SDR39U1: variants seen among roughly 807,000 people sequenced by gnomAD.
The protein encoded by SDR39U1 is epimerase family protein SDR39U1.
Under a neutral mutation model 31.7 loss-of-function variants are expected in SDR39U1, and 29 were observed. The ratio of observed to expected loss-of-function variants is 0.92; its 90% CI spans 0.68 to 1.25. The LOEUF is 1.25. SDR39U1 is among the 50% of genes most tolerant of loss of function. The pLI, the probability that SDR39U1 is intolerant of heterozygous loss-of-function variation, is 0.00. For synonymous variants in SDR39U1, 147 were observed against 159.0 expected, an observed-to-expected ratio of 0.92 and a Z score of 0.57; for missense variants, 403 against 378.4, an observed-to-expected ratio of 1.06 and a Z score of -0.54.
At chr14:24,440,659 G>C in intron 5 of SDR39U1, 124 bp downstream of exon 5, 1 of 1,386,950 alleles carries the variant, frequency 7.2e-7, no homozygotes, top group Non-Finnish European at 1.0e-6. Context: ...CTCATCTGCA[G>C]GTTGGCTAGA....
upstream of SDR39U1, chr14:24,442,782 C>T (rs776322263): frequency 1.9e-6 from 3 of 1,613,982 alleles, no homozygotes; most frequent in Non-Finnish European, 2.5e-6. Flanking sequence ...CGACTAGGAC[C>T]TAACGCGCCT....
upstream of SDR39U1, chr14:24,442,781 C>T: frequency 6.2e-7 from 1 of 1,614,000 alleles, no homozygotes; most frequent in East Asian, 2.2e-5. Context: ...GCGACTAGGA[C>T]CTAACGCGCC....
rs771819077 is a variant in SDR39U1 at position 24,440,293 on chromosome 14, A to T, written c.672T>A (p.Thr224=). The stretch of plus-strand genomic sequence containing the variant: ...CCAAGGTCTGGGCAAACTCAGCATT[A>T]GTGGCGGAGGATGGAGCCACTCCAT... ...VLNGVAPSSA[T]NAEFAQTLGA... The change falls in exon 6 of 6, where the codon ACT becomes ACA. Residue 224 remains threonine (T), a synonymous_variant. Coordinates refer to ENST00000399395, the MANE Select transcript of SDR39U1 (RefSeq NM_020195.3). 2.5e-6 allele frequency: 4 copies of T among 1,613,996 alleles called. No individual in the cohort carries two copies. The South Asian group carries it at 4.4e-5, about 18-fold the overall frequency.
chr14:24,442,822 G>A (rs533889488), upstream of SDR39U1: 673 of 1,601,894 alleles, frequency 4.2e-4, 4 homozygotes, highest in East Asian at 0.015. Flanking sequence ...CCTCACCTCA[G>A]ACGCGACTAC....
chr14:24,440,165 A>G lies in SDR39U1; in HGVS notation c.800T>C (p.Val267Ala), dbSNP rs1356312204. 6.2e-7 allele frequency: 1 copy of G among 1,613,656 alleles called. No homozygotes were observed. Among genetic ancestry groups the G allele is most frequent in the Non-Finnish European group, 8.5e-7 (1 of 1,179,740 alleles). ...RAIMLLEGQK[V>A]IPQRTLATGY... ...AGTGGCCAGTGTTCGCTGTGGGATCACCTTCTGGCCCTCCAGCAGCATGAT... is the reference window on the plus strand; with the variant it reads ...AGTGGCCAGTGTTCGCTGTGGGATCGCCTTCTGGCCCTCCAGCAGCATGAT... Residue 267 changes from valine to alanine, a missense_variant, in exon 6 of 6, where the codon GTG becomes GCG. Transcript: ENST00000399395.
intron 5 of SDR39U1, 28 bp from the exon 6 acceptor site, chr14:24,440,520 G>C: frequency 6.3e-7 from 1 of 1,581,522 alleles, no homozygotes; most frequent in East Asian, 2.3e-5. Context: ...GAAGGTACAG[G>C]GGTCCTCTCA....
chr14:24,441,103 G>A (rs1594764089), intron 4 of SDR39U1, 177 bp from the exon 5 acceptor site: 1 of 650,558 alleles, frequency 1.5e-6, no homozygotes, highest in Non-Finnish European at 2.7e-6. Context: ...TCCTTCCCTG[G>A]AGGAACTCTG....
rs11625820 is a variant in SDR39U1 at position 24,441,768 on chromosome 14, T to A, written c.234A>T (p.Val78=). 1,409,592 of 1,600,702 alleles carry A rather than the reference T, an allele frequency of 0.88. 626,527 individuals carry two copies. The highest frequency in any genetic ancestry group is 0.9 in the Non-Finnish European group (1,061,909 of 1,175,710). ...GGGTGGTCTCTAGGCGGCTGCCGAT[T>A]ACCTCTTTTTGGAAGGTTTCATTCC... ...RRWNETFQKE[V]IGSRLETTQL... The change falls in exon 4 of 6, where the codon GTA becomes GTT. Residue 78 remains valine, a synonymous_variant. Transcript: ENST00000399395.
At chr14:24,441,853 C>T (rs2043352665) in intron 3 of SDR39U1, 58 bp from the exon 4 acceptor site, 2 of 1,563,298 alleles carry the variant, frequency 1.3e-6, no homozygotes, top group Admixed American at 2.0e-5. Flanking sequence ...ACATATCCCT[C>T]TCTCTGTCTT....
chr14:24,440,613 G>A (rs753432862), intron 5 of SDR39U1, 121 bp from the exon 6 acceptor site: 2 of 1,388,712 alleles, frequency 1.4e-6, no homozygotes, highest in South Asian at 2.6e-5. Context: ...TGTAACAGAA[G>A]TGAGCAGTAT....
At chr14:24,441,017 G>T in intron 4 of SDR39U1, 91 bp from the exon 5 acceptor site, 1 of 1,369,428 alleles carries the variant, frequency 7.3e-7, no homozygotes, top group African/African-American at 1.4e-5. Context: ...ACCTTCTCTG[G>T]CCCTTAGGAT....
chr14:24,442,734 C>G lies in SDR39U1; in HGVS notation c.16+20G>C, dbSNP rs1307155462. On this transcript the variant is annotated intron_variant, in intron 1 of 5. Coordinates refer to ENST00000399395, the MANE Select transcript of SDR39U1 (RefSeq NM_020195.3). ...TCCGACTAAGCCCGCCCAGCACTCT[C>G]CCTTTCTGCCCTCCCTCACCCACAA... 2.7e-5 allele frequency: 44 copies of G among 1,613,876 alleles called. No homozygotes were observed. The Admixed American group carries it at 4.2e-4, about 15-fold the overall frequency.
intron 1 of SDR39U1, 139 bp downstream of exon 1, chr14:24,442,615 T>G (rs865910355): frequency 3.2e-6 from 4 of 1,264,536 alleles, no homozygotes; most frequent in Middle Eastern, 4.2e-4. Flanking sequence ...TCACAGGGAT[T>G]AGGGAGATTC....
chr14:24,441,034 A>T, intron 4 of SDR39U1, 108 bp from the exon 5 acceptor site: 1 of 1,191,710 alleles, frequency 8.4e-7, no homozygotes, highest in Non-Finnish European at 1.2e-6. Flanking sequence ...GGATCTCCCC[A>T]TTTGGAGACA....
upstream of SDR39U1, chr14:24,442,832 C>A: frequency 6.3e-7 from 1 of 1,577,776 alleles, no homozygotes; most frequent in Non-Finnish European, 8.7e-7. Context: ...GACGCGACTA[C>A]GACCTCTCTG....
chr14:24,442,284 C>A (rs758100476), intron 2 of SDR39U1, 24 bp from the exon 3 acceptor site: 102 of 1,600,374 alleles, frequency 6.4e-5, no homozygotes, highest in Non-Finnish European at 8.3e-5. Context: ...CACACAGTGC[C>A]CCTGCCCCGC....
Position 24,442,165 on chromosome 14 carries a change from G to A in SDR39U1, c.206+13C>T. 1.2e-6 allele frequency: 2 copies of A among 1,607,844 alleles called. No homozygotes were observed. Among genetic ancestry groups the A allele is most frequent in the Non-Finnish European group, 1.7e-6 (2 of 1,177,188 alleles). On this transcript the variant is annotated intron_variant, in intron 3 of 5. Coordinates refer to ENST00000399395, the MANE Select transcript of SDR39U1 (RefSeq NM_020195.3). ...GTGCTCTAGTGGGTATCAGCTTTAG[G>A]GCCCGGGCTGACCTTCGGAGAGGGT... is the stretch of plus-strand genomic sequence containing the variant.
At chr14:24,440,638 C>T (rs1256188326) in intron 5 of SDR39U1, 145 bp downstream of exon 5, 6 of 1,348,518 alleles carry the variant, frequency 4.4e-6, no homozygotes, top group South Asian at 2.6e-5. Flanking sequence ...GTCTTTAAGA[C>T]CTCACACCTT....
chr14:24,440,595 C>A, intron 5 of SDR39U1, 103 bp from the exon 6 acceptor site: 1 of 1,435,272 alleles, frequency 7.0e-7, no homozygotes, highest in South Asian at 1.2e-5. Flanking sequence ...CCCATGCTGA[C>A]TTGGCTCTGT....
Sources: gnomAD v4.1 joint callset for allele counts on GRCh38, gnomAD v4.1.1 for gene constraint, MANE v1.5 for transcripts, NCBI Gene and HGNC (gene_info 2026-07-23, HGNC 2026-07-21) for gene names.